The following KRT13 variants were observed in gnomAD, a reference collection of about 807,000 sequenced individuals.
KRT13 encodes the protein keratin, type I cytoskeletal 13.
A neutral mutation model predicts 40.6 loss-of-function variants in KRT13; 27 were observed. The ratio of observed to expected loss-of-function variants is 0.67; its 90% CI spans 0.49 to 0.92. The LOEUF is 0.92. KRT13 is among the 40% of genes least tolerant of loss of function. The pLI, the probability that KRT13 is intolerant of heterozygous loss-of-function variation, is 0.00. For missense variants in KRT13, 605 were observed against 611.5 expected (o/e 0.99, Z 0.11); for synonymous variants, 266 against 240.3 (o/e 1.11, Z -0.99).
At chr17:41,502,192 G>C (rs763225474) in intron 6 of KRT13, 182 bp downstream of exon 6, 1 of 1,499,638 alleles carries the variant, frequency 6.7e-7, no homozygotes, top group Non-Finnish European at 8.9e-7. Flanking sequence ...CTAACTTGGA[G>C]GCCCAAATTA....
rs1012324112 is a variant in KRT13 at position 41,503,669 on chromosome 17, C to G, written c.552G>C (p.Arg184Ser). The change falls in exon 2 of 8, where the codon AGG becomes AGC. Residue 184 changes from arginine to serine, a missense_variant. Transcript: ENST00000246635. ...TGAGCCTGAAGTCGTCCGCAGCCAG[C>G]CTGGCATTGTCAATCTCCAGGATGA... The part of the protein sequence containing the change: ...NRVILEIDNA[R>S]LAADDFRLKY... The G allele has an allele frequency of 2.5e-6, 4 of 1,613,884 alleles. No homozygotes were observed. Among genetic ancestry groups the G allele is most frequent in the Non-Finnish European group, 3.4e-6 (4 of 1,179,930 alleles).
intron 1 of KRT13, 36 bp from the exon 2 acceptor site, chr17:41,503,761 G>T: frequency 6.4e-7 from 1 of 1,552,248 alleles, no homozygotes; most frequent in Non-Finnish European, 8.9e-7. Flanking sequence ...TCTAGGGCAT[G>T]GGTGTCCAGT....
chr17:41,502,930 C>T lies in KRT13; in HGVS notation c.897+7G>A. ...GATGGGCTATGTGGGGTGGGAGGGC[C>T]GGGTACCTTGGTGTGGAACCATTCC... On this transcript the variant is annotated splice_region_variant and intron_variant, in intron 4 of 7. Coordinates refer to ENST00000246635, the MANE Select transcript of KRT13 (RefSeq NM_153490.3). 1.2e-6 allele frequency: 2 copies of T among 1,614,082 alleles called. No individual in the cohort carries two copies. Among genetic ancestry groups the T allele is most frequent in the Non-Finnish European group, 1.7e-6 (2 of 1,179,992 alleles).
rs147841491 is a variant in KRT13 at position 41,502,103 on chromosome 17, C to G, written c.1244+271G>C. 1.5e-4 allele frequency: 218 copies of G among 1,423,858 alleles called. No individual in the cohort carries two copies. In the African/African-American group the frequency reaches 2.9e-3, roughly 19 times the overall value. 88.2% of individuals were successfully genotyped at this position (1,423,858 alleles called of 1,614,324 possible). On this transcript the variant is annotated intron_variant, in intron 6 of 7. Coordinates refer to ENST00000246635, the MANE Select transcript of KRT13 (RefSeq NM_153490.3). ...GGCAGTTAAAGCACCATAGTAATAGCTTTGTTCAGCTGAGCTGTATCCAAG... is the reference window on the plus strand; with the variant it reads ...GGCAGTTAAAGCACCATAGTAATAGGTTTGTTCAGCTGAGCTGTATCCAAG...
At chr17:41,502,197 A>T in intron 6 of KRT13, 177 bp downstream of exon 6, 1 of 1,506,406 alleles carries the variant, frequency 6.6e-7, no homozygotes. Flanking sequence ...TTGGAGGCCC[A>T]AATTAGAAAG....
chr17:41,501,878 C>G lies in KRT13; in HGVS notation c.1245-134G>C. 3 of 1,537,846 alleles carry G rather than the reference C, an allele frequency of 2.0e-6. No individual in the cohort carries two copies. In the South Asian group the frequency reaches 3.6e-5, roughly 19 times the overall value. ...ACTCTAGTGCCTCCTAGCTGTGCCC[C>G]CAGCTCAAGGGACAGCAGCATCAGG... On this transcript the variant is annotated intron_variant, in intron 6 of 7. Coordinates refer to ENST00000246635, the MANE Select transcript of KRT13 (RefSeq NM_153490.3).
rs2144508424 is a variant in KRT13 at position 41,505,278 on chromosome 17, G to A, written c.273C>T (p.Asp91=). ...FGGGFAGGFV[D]FGACDGGLLT... ...GGAGGCCGCCATCACAAGCACCAAA[G>A]TCAACAAAGCCACCAGCAAAACCCC... The change falls in exon 1 of 8, where the codon GAC becomes GAT. Residue 91 remains aspartate (D), a synonymous_variant. Coordinates refer to ENST00000246635, the MANE Select transcript of KRT13 (RefSeq NM_153490.3). 6.2e-7 allele frequency: 1 copy of A among 1,614,176 alleles called. No individual in the cohort carries two copies. Among genetic ancestry groups the A allele is most frequent in the Non-Finnish European group, 8.5e-7 (1 of 1,180,042 alleles).
At position 41,505,419 on chromosome 17, in the gene KRT13, G is replaced by A; in HGVS notation, c.132C>T (p.Gly44=). 6.2e-7 allele frequency: 1 copy of A among 1,613,518 alleles called. No individual in the cohort carries two copies. Among genetic ancestry groups the A allele is most frequent in the Non-Finnish European group, 8.5e-7 (1 of 1,179,570 alleles). Residue 44 remains glycine, a synonymous_variant, in exon 1 of 8, where the codon GGC becomes GGT. Coordinates refer to ENST00000246635, the MANE Select transcript of KRT13 (RefSeq NM_153490.3). ...TRFVSGGSAG[G]YGGGVSCGFG... is the part of the protein sequence containing the mutation. ...AACCACAGCTCACGCCGCCTCCATA[G>A]CCCCCAGCTGATCCCCCGGACACAA...
At position 41,505,295 on chromosome 17, in the gene KRT13, C is replaced by G. The variant is rs1181490462; in HGVS notation, c.256G>C (p.Ala86Pro). ...GCACCAAAGTCAACAAAGCCACCAGCAAAACCCCCACCAAAGCCACCTCCA... is the reference window on the plus strand; with the variant it reads ...GCACCAAAGTCAACAAAGCCACCAGGAAAACCCCCACCAAAGCCACCTCCA... ...GLGGGFGGGFAGGFVDFGACD... is the reference protein window; with the variant it reads ...GLGGGFGGGFPGGFVDFGACD... Residue 86 changes from alanine (A) to proline (P), a missense_variant, in exon 1 of 8, where the codon GCT (alanine) becomes CCT (proline). By Grantham distance (27) the Ala-to-Pro change is conservative. Coordinates refer to ENST00000246635, the MANE Select transcript of KRT13 (RefSeq NM_153490.3). The G allele has an allele frequency of 6.2e-7, 1 of 1,614,178 alleles. No individual in the cohort carries two copies. Among genetic ancestry groups the G allele is most frequent in the South Asian group, 1.1e-5 (1 of 91,092 alleles).
At chr17:41,503,825 A>G (rs1904963412) in intron 1 of KRT13, 100 bp from the exon 2 acceptor site, 7 of 869,090 alleles carry the variant, frequency 8.1e-6, no homozygotes, top group Non-Finnish European at 1.4e-5. Flanking sequence ...GCAACACATC[A>G]AATACGCTAA....
rs1288521318 is a variant in KRT13, at chr17:41,505,351, C to T, written c.200G>A (p.Gly67Asp). The change falls in exon 1 of 8, where the codon GGT (glycine) becomes GAT (aspartate). Residue 67 changes from glycine (G) to aspartate (D), a missense_variant. Transcript: ENST00000246635. Reference protein sequence around the residue: ...AGSGFGGGYGGGLGGGYGGGL... With the variant: ...AGSGFGGGYGDGLGGGYGGGL... ...ACCTCCATAGCCACCTCCAAGGCCA[C>T]CTCCATAGCCACCTCCAAAGCCACT... is the stretch of plus-strand genomic sequence containing the variant. 6.2e-7 allele frequency: 1 copy of T among 1,613,850 alleles called. No individual in the cohort carries two copies. Among genetic ancestry groups the T allele is most frequent in the Non-Finnish European group, 8.5e-7 (1 of 1,179,878 alleles).
chr17:41,503,478 A>G (rs1453057269), intron 2 of KRT13, 35 bp from the exon 3 acceptor site: 5 of 1,611,424 alleles, frequency 3.1e-6, no homozygotes, highest in Non-Finnish European at 4.2e-6. Context: ...TTTTTTGAAA[A>G]AGCAAGACAT....
intron 3 of KRT13, 61 bp from the exon 4 acceptor site, chr17:41,503,159 G>A: frequency 6.2e-7 from 1 of 1,607,920 alleles, no homozygotes; most frequent in Non-Finnish European, 8.5e-7. Flanking sequence ...TTGGCTCTGA[G>A]TGCTGGCAGA....
intron 1 of KRT13, chr17:41,504,036 G>A: frequency 2.5e-6 from 1 of 398,576 alleles, no homozygotes; most frequent in Non-Finnish European, 4.7e-6. Flanking sequence ...GGAAAACATG[G>A]GCAGGACCTG....
At position 41,505,197 on chromosome 17, in the gene KRT13, G is replaced by T. The variant is rs1905019058; in HGVS notation, c.354C>A (p.Tyr118Ter). The change falls in exon 1 of 8, where the codon TAC becomes TAA. Residue 118 changes from tyrosine (Y) to a stop codon, truncating the protein, a stop_gained. Transcript: ENST00000246635. LOFTEE classifies it high-confidence loss of function. ...CCTCCAGGGCGCGCACCTTCTCCAGGTAGGAAGCCAGGCGGTCGTTGAGGT... is the reference window on the plus strand; with the variant it reads ...CCTCCAGGGCGCGCACCTTCTCCAGTTAGGAAGCCAGGCGGTCGTTGAGGT... ...MQNLNDRLAS[Y>*]LEKVRALEEA... is the part of the protein sequence containing the mutation. The T allele has an allele frequency of 3.1e-6, 5 of 1,614,212 alleles. No homozygotes were observed. Among genetic ancestry groups the T allele is most frequent in the Non-Finnish European group, 8.5e-7 (1 of 1,180,040 alleles).
At chr17:41,504,964 C>T (rs564582965) in intron 1 of KRT13, 92 bp downstream of exon 1, 22 of 1,462,368 alleles carry the variant, frequency 1.5e-5, no homozygotes, top group South Asian at 1.1e-4. Context: ...TTGTGAATTC[C>T]GTCCACACCT....
intron 1 of KRT13, 142 bp from the exon 2 acceptor site, chr17:41,503,867 T>A: frequency 1.4e-6 from 1 of 732,086 alleles, no homozygotes; most frequent in East Asian, 2.5e-5. Flanking sequence ...TAAAAAGAAA[T>A]TGGCAAAAAT....
In KRT13 at chr17:41,501,294, C is replaced by T. The variant is rs747849871; in HGVS notation, c.1339G>A (p.Ala447Thr). Reference sequence around the variant, plus strand: ...ACATCAGAAGTGCGGCGACCAGAGGCATTAGAGGTGGTGGTAACAGAGGCA... The same window carrying T: ...ACATCAGAAGTGCGGCGACCAGAGGTATTAGAGGTGGTGGTAACAGAGGCA... ...SSASVTTTSN[A>T]SGRRTSDVRR... Residue 447 changes from alanine to threonine, a missense_variant, in exon 8 of 8, where the codon GCC becomes ACC. Transcript: ENST00000246635. The T allele has an allele frequency of 1.3e-6, 2 of 1,575,814 alleles. No homozygotes were observed. Among genetic ancestry groups the T allele is most frequent in the East Asian group, 2.3e-5 (1 of 43,618 alleles).
rs1330544533 is a variant in KRT13 at position 41,505,128 on chromosome 17, C to T, written c.423G>A (p.Leu141=). ...DLEVKIRDWH[L]KQSPASPERD... ...GCTCAGGGCTAGCTGGGCTCTGCTT[C>T]AGGTGCCAGTCACGGATCTTCACCT... Residue 141 remains leucine (L), a synonymous_variant, in exon 1 of 8, where the codon CTG becomes CTA. Coordinates refer to ENST00000246635, the MANE Select transcript of KRT13 (RefSeq NM_153490.3). 6.2e-7 allele frequency: 1 copy of T among 1,614,234 alleles called. No individual in the cohort carries two copies. The highest frequency in any genetic ancestry group is 1.1e-5 in the South Asian group (1 of 91,090).
Sources: allele counts gnomAD v4.1 joint callset, GRCh38; gene constraint gnomAD v4.1.1; transcripts MANE v1.5; gene names NCBI Gene and HGNC (gene_info 2026-07-23, HGNC 2026-07-21).